The following KCNN2 variants were observed in gnomAD, a reference collection of about 807,000 sequenced individuals.
The protein encoded by KCNN2 is potassium calcium-activated channel subfamily N member 2.
In KCNN2, 24 loss-of-function variants were observed where a neutral mutation model predicts 55.5. The ratio of observed to expected loss-of-function variants is 0.43; its 90% CI spans 0.31 to 0.61. KCNN2 has a LOEUF of 0.61. KCNN2 is among the 20% of genes least tolerant of loss of function. KCNN2 has a pLI of 0.08. For missense variants in KCNN2, 754 were observed against 853.6 expected (o/e 0.88, Z 1.45); for synonymous variants, 431 against 336.1 (o/e 1.28, Z -3.09).
intron 1 of KCNN2, among the ~76,000 whole-genome samples, chr5:114,158,336 G>A (rs1752686545): frequency 6.6e-6 from 1 of 152,070 alleles, no homozygotes; most frequent in African/African-American, 2.4e-5. Context: ...TATTTCTGAG[G>A]GCTCTGTTCT....
chr5:114,145,288 T>C (rs892517212), intron 1 of KCNN2, among the ~76,000 whole-genome samples: 1 of 152,184 alleles, frequency 6.6e-6, no homozygotes, highest in African/African-American at 2.4e-5. Flanking sequence ...CAATCAACAA[T>C]GGTATAGTGA....
intron 1 of KCNN2, among the ~76,000 whole-genome samples, chr5:114,074,668 G>A (rs1016632643): frequency 2.0e-5 from 3 of 152,204 alleles, no homozygotes; most frequent in African/African-American, 7.2e-5. Context: ...TGTTATCTAA[G>A]TGAGAGGCTG....
At chr5:114,211,111 G>A (rs1753873276) in intron 1 of KCNN2, among the ~76,000 whole-genome samples, 1 of 152,146 alleles carries the variant, frequency 6.6e-6, no homozygotes, top group African/African-American at 2.4e-5. Context: ...CACTGTTGGT[G>A]GGAGTGTAAA....
chr5:114,357,365 T>A (rs1335420725), upstream of KCNN2, among the ~76,000 whole-genome samples: 2 of 146,744 alleles, frequency 1.4e-5, no homozygotes, highest in Non-Finnish European at 3.0e-5. Flanking sequence ...TAGTTACATA[T>A]GTATACATGT....
At chr5:114,232,416 A>T (rs1754380895) in intron 2 of KCNN2, among the ~76,000 whole-genome samples, 1 of 151,136 alleles carries the variant, frequency 6.6e-6, no homozygotes, top group African/African-American at 2.5e-5. Context: ...ATAAAAACTA[A>T]ATAATCACTG....
chr5:114,195,009 G>A (rs184942965), intron 1 of KCNN2, among the ~76,000 whole-genome samples: 1 of 151,678 alleles, frequency 6.6e-6, no homozygotes, highest in Non-Finnish European at 1.5e-5. Context: ...ATAGTGTAAA[G>A]GTTTTGTTGT....
chr5:114,412,509 A>G (rs1412886681), intron 3 of KCNN2, among the ~76,000 whole-genome samples: 1 of 152,204 alleles, frequency 6.6e-6, no homozygotes, highest in African/African-American at 2.4e-5. Context: ...TTATCTGTTT[A>G]TATAACATAA....
intron 2 of KCNN2, among the ~76,000 whole-genome samples, chr5:114,312,323 C>G (rs934394196): frequency 6.7e-6 from 1 of 148,988 alleles, no homozygotes; most frequent in East Asian, 2.0e-4. Context: ...ACTCAAATCA[C>G]TTGATTTGGC....
chr5:114,452,321 T>G (rs1178801785), intron 3 of KCNN2, among the ~76,000 whole-genome samples: 1 of 152,208 alleles, frequency 6.6e-6, no homozygotes, highest in Non-Finnish European at 1.5e-5. Flanking sequence ...GATGGAACAT[T>G]ATTAGACACT....
intron 1 of KCNN2, among the ~76,000 whole-genome samples, chr5:114,220,683 A>G (rs957986369): frequency 6.6e-6 from 1 of 152,124 alleles, no homozygotes; most frequent in African/African-American, 2.4e-5. Flanking sequence ...GAACATGGCT[A>G]AAGAGATAAT....
At position 114,126,430 on chromosome 5, in the gene KCNN2, T is replaced by A. The variant is rs1330356174; in HGVS notation, c.-271+69930T>A. 4.0e-5 allele frequency among the ~76,000 whole-genome samples: 6 copies of A among 151,800 alleles called. No homozygotes were observed. In the East Asian group the frequency reaches 1.2e-3, roughly 30 times the overall value. On this transcript the variant is annotated intron_variant, in intron 1 of 10. Coordinates refer to the KCNN2 transcript ENST00000512097. ...TGGCAGCAGCAAGCAGAAGAATGAGTGCCCAGTATAGGGGGAAGCCCCTTA... is the reference window on the plus strand; with the variant it reads ...TGGCAGCAGCAAGCAGAAGAATGAGAGCCCAGTATAGGGGGAAGCCCCTTA...
At chr5:114,483,908 AT>A (rs1762340828) in intron 5 of KCNN2, among the ~76,000 whole-genome samples, 1 of 152,170 alleles carries the variant, frequency 6.6e-6, no homozygotes, top group African/African-American at 2.4e-5. Flanking sequence ...CATACCACTT[AT>A]CACAGTATCT....
At chr5:114,069,314 C>T (rs774695438) in intron 1 of KCNN2, among the ~76,000 whole-genome samples, 7 of 151,766 alleles carry the variant, frequency 4.6e-5, no homozygotes, top group Non-Finnish European at 1.0e-4. Context: ...ATGTTCACTA[C>T]CACCCTCCAT....
chr5:114,299,781 G>A (rs925779864), intron 2 of KCNN2, among the ~76,000 whole-genome samples: 33 of 152,160 alleles, frequency 2.2e-4, no homozygotes, highest in Non-Finnish European at 1.9e-4. Context: ...AGCCACTTCT[G>A]TGCTCCTTTG....
intron 3 of KCNN2, among the ~76,000 whole-genome samples, chr5:114,461,440 A>G (rs560680159): frequency 6.6e-6 from 1 of 152,062 alleles, no homozygotes; most frequent in Non-Finnish European, 1.5e-5. Flanking sequence ...GCCTGTTCAC[A>G]TGCCCTTCCC....
intron 2 of KCNN2, among the ~76,000 whole-genome samples, chr5:114,356,928 C>T (rs1304169087): frequency 3.3e-5 from 5 of 152,024 alleles, no homozygotes; most frequent in African/African-American, 1.2e-4. Flanking sequence ...CCTGATTCCC[C>T]ACTGGCATTT....
intron 2 of KCNN2, among the ~76,000 whole-genome samples, chr5:114,277,136 C>A (rs781453904): frequency 7.9e-5 from 12 of 152,076 alleles, no homozygotes; most frequent in Non-Finnish European, 1.2e-4. Flanking sequence ...GTTGAAAATT[C>A]TTTTCTATGA....
intron 4 of KCNN2, among the ~76,000 whole-genome samples, chr5:114,469,281 C>G (rs1761602731): frequency 1.3e-5 from 2 of 152,174 alleles, no homozygotes; most frequent in Non-Finnish European, 1.5e-5. Context: ...CCCTTTTTCT[C>G]TCTTTCACCA....
chr5:114,060,201 T>A (rs1206527354), intron 1 of KCNN2, among the ~76,000 whole-genome samples: 1 of 152,254 alleles, frequency 6.6e-6, no homozygotes, highest in Non-Finnish European at 1.5e-5. Context: ...TGCAATGCCC[T>A]CTTGGTACTG....
Sources: gnomAD v4.1 joint callset for allele counts (sites outside exome capture counted in the v4.1 genomes callset) on GRCh38, gnomAD v4.1.1 for gene constraint, MANE v1.5 for transcripts, NCBI Gene and HGNC (gene_info 2026-07-23, HGNC 2026-07-21) for gene names.